The following LANCL2 variants were observed in gnomAD, a reference collection of about 807,000 sequenced individuals.
LANCL2 encodes lanC-like protein 2.
A neutral mutation model predicts 56.9 loss-of-function variants in LANCL2; 33 were observed. That is an observed-to-expected ratio of 0.58 (90% CI 0.44 to 0.78). LANCL2 has a LOEUF of 0.78. Among genes scored for constraint, LANCL2 ranks in the 30% least tolerant of loss-of-function variants. The pLI is 0.00. For synonymous variants in LANCL2, 233 were observed against 228.2 expected, an observed-to-expected ratio of 1.02 and a Z score of -0.19; for missense variants, 562 against 580.2, an observed-to-expected ratio of 0.97 and a Z score of 0.32.
At chr7:55,386,224 A>C (rs1374767521) in intron 1 of LANCL2, among the ~76,000 whole-genome samples, 15 of 152,362 alleles carry the variant, frequency 9.8e-5, no homozygotes, top group African/African-American at 3.4e-4. Context: ...AAGCAAAGAC[A>C]GGCATAGGAA....
At chr7:55,405,384 C>A (rs1790393491) in intron 5 of LANCL2, among the ~76,000 whole-genome samples, 1 of 152,134 alleles carries the variant, frequency 6.6e-6, no homozygotes, top group African/African-American at 2.4e-5. Context: ...ACTGGAAACA[C>A]CTTTAGAGAC....
intron 6 of LANCL2, among the ~76,000 whole-genome samples, chr7:55,417,065 C>T (rs1272908501): frequency 2.7e-5 from 4 of 148,638 alleles, no homozygotes; most frequent in Non-Finnish European, 4.4e-5. Context: ...CTACAAGCTC[C>T]GCCTCCCAGG....
At chr7:55,385,493 G>T (rs1014836460) in intron 1 of LANCL2, among the ~76,000 whole-genome samples, 1 of 152,132 alleles carries the variant, frequency 6.6e-6, no homozygotes, top group African/African-American at 2.4e-5. Context: ...GCGTCCGGGG[G>T]AGACATCACA....
chr7:55,384,438 G>A (rs1790102921), intron 1 of LANCL2, among the ~76,000 whole-genome samples: 1 of 152,178 alleles, frequency 6.6e-6, no homozygotes, highest in Admixed American at 6.5e-5. Flanking sequence ...TGTAGTCCCA[G>A]CTACTTGGGG....
At chr7:55,427,329 A>G (rs1790674705) in intron 7 of LANCL2, among the ~76,000 whole-genome samples, 1 of 152,234 alleles carries the variant, frequency 6.6e-6, no homozygotes, top group Non-Finnish European at 1.5e-5. Context: ...CTGATATGGA[A>G]GATGGGGGCT....
In LANCL2 at chr7:55,425,272, T is replaced by C; in HGVS notation, c.1027T>C (p.Tyr343His). 6.2e-7 allele frequency: 1 copy of C among 1,614,030 alleles called. No homozygotes were observed. Among genetic ancestry groups the C allele is most frequent in the Non-Finnish European group, 8.5e-7 (1 of 1,179,966 alleles). The change falls in exon 7 of 9, where the codon TAC (tyrosine) becomes CAC (histidine). Residue 343 changes from tyrosine (Y) to histidine (H), a missense_variant. This residue lies in a region of LANCL2 where 378 missense variants were observed against 468.4 expected (regional missense o/e 0.81). Coordinates refer to ENST00000254770, the MANE Select transcript of LANCL2 (RefSeq NM_018697.4). Reference protein sequence around the residue: ...QAYKVFKEEKYLKEAMECSDV... With the variant: ...QAYKVFKEEKHLKEAMECSDV... The stretch of plus-strand genomic sequence containing the variant: ...TGCCCAGGTCTTTAAGGAGGAGAAG[T>C]ACTTGAAAGAGGCCATGGAGTGTAG...
intron 5 of LANCL2, among the ~76,000 whole-genome samples, chr7:55,403,670 C>T (rs1056874698): frequency 3.4e-5 from 5 of 147,512 alleles, no homozygotes; most frequent in Non-Finnish European, 5.9e-5. Flanking sequence ...CTCCCAGGTT[C>T]CGGTGATTCT....
intron 1 of LANCL2, among the ~76,000 whole-genome samples, chr7:55,369,472 A>G (rs1170507989): frequency 6.6e-6 from 1 of 152,202 alleles, no homozygotes; most frequent in Non-Finnish European, 1.5e-5. Context: ...ATATTTCCAT[A>G]AATTGGTATT....
chr7:55,366,341 G>C, intron 1 of LANCL2, 112 bp downstream of exon 1: 1 of 901,172 alleles, frequency 1.1e-6, no homozygotes, highest in Non-Finnish European at 1.6e-6. Flanking sequence ...GGAGGGCGCG[G>C]GATGATAGCG....
intron 1 of LANCL2, among the ~76,000 whole-genome samples, chr7:55,384,252 A>T (rs1007706706): frequency 6.6e-6 from 1 of 152,166 alleles, no homozygotes; most frequent in African/African-American, 2.4e-5. Context: ...TGAATGAAAG[A>T]TAGAAATTTA....
intron 6 of LANCL2, among the ~76,000 whole-genome samples, chr7:55,413,827 AAGATTCTT>A (rs1203295152): frequency 2.3e-4 from 35 of 152,358 alleles, no homozygotes; most frequent in African/African-American, 7.7e-4. Context: ...CCTCTACATT[AAGATTCTT>A]GAACATGAGG....
intron 5 of LANCL2, among the ~76,000 whole-genome samples, chr7:55,404,081 C>A (rs557566064): frequency 1.3e-5 from 2 of 152,320 alleles, no homozygotes; most frequent in South Asian, 4.1e-4. Flanking sequence ...ACATCCCTGA[C>A]AACGATAGAG....
intron 1 of LANCL2, among the ~76,000 whole-genome samples, chr7:55,375,110 C>T (rs10282700): frequency 0.52 from 78,908 of 152,012 alleles, 21,105 homozygotes; most frequent in African/African-American, 0.58. Context: ...CCTTTTTCTT[C>T]TTAGGAGCTA....
At chr7:55,420,841 GGA>G (rs1790600497) in intron 6 of LANCL2, among the ~76,000 whole-genome samples, 1 of 152,206 alleles carries the variant, frequency 6.6e-6, no homozygotes, top group Non-Finnish European at 1.5e-5. Flanking sequence ...AGTCATGGGA[GGA>G]GGAGTTTTAC....
chr7:55,387,181 G>T (rs936397972), intron 1 of LANCL2, among the ~76,000 whole-genome samples: 1 of 152,156 alleles, frequency 6.6e-6, no homozygotes, highest in African/African-American at 2.4e-5. Context: ...CACAGGAAGA[G>T]TGTGTTTAGG....
At position 55,425,299 on chromosome 7, in the gene LANCL2, G is replaced by A. The variant is rs909265306; in HGVS notation, c.1054G>A (p.Asp352Asn). The A allele has an allele frequency of 3.1e-6, 5 of 1,614,050 alleles. No homozygotes were observed. Among genetic ancestry groups the A allele is most frequent in the Non-Finnish European group, 3.4e-6 (4 of 1,180,042 alleles). The change falls in exon 7 of 9, where the codon GAT (aspartate) becomes AAT (asparagine). Residue 352 changes from aspartate to asparagine, a missense_variant. By Grantham distance (23) the Asp-to-Asn change is conservative (BLOSUM62 1). Around this residue, in one of 2 missense-constraint regions of LANCL2, gnomAD observed 378 missense variants for 468.4 expected, o/e 0.81. Coordinates refer to ENST00000254770, the MANE Select transcript of LANCL2 (RefSeq NM_018697.4). ...KYLKEAMECS[D>N]VIWQRGLLRK... Reference sequence around the variant, plus strand: ...CTTGAAAGAGGCCATGGAGTGTAGCGATGTGATTTGGCAGCGAGGTTTGCT... The same window carrying A: ...CTTGAAAGAGGCCATGGAGTGTAGCAATGTGATTTGGCAGCGAGGTTTGCT...
At position 55,427,277 on chromosome 7, in the gene LANCL2, C is replaced by G. The variant is rs373369877; in HGVS notation, c.1186-1098C>G. On this transcript the variant is annotated intron_variant, in intron 7 of 8. Transcript: ENST00000254770. ...AGGAAGCCTCAGCACTAATATTTTT[C>G]AAGCTCCCCCAGTAAGTTTAATAAT... 1.1e-3 allele frequency among the ~76,000 whole-genome samples: 174 copies of G among 152,310 alleles called. 5 individuals are homozygous for G. The South Asian group carries it at 0.029, about 26-fold the overall frequency.
chr7:55,375,992 A>G (rs1477878614), intron 1 of LANCL2, among the ~76,000 whole-genome samples: 3 of 152,142 alleles, frequency 2.0e-5, no homozygotes, highest in African/African-American at 7.2e-5. Context: ...CTTAAATAGG[A>G]GAAGTTTCTC....
chr7:55,412,210 T>C, intron 6 of LANCL2, 121 bp downstream of exon 6: 1 of 880,590 alleles, frequency 1.1e-6, no homozygotes, highest in Non-Finnish European at 1.7e-6. Context: ...AGAATGATTG[T>C]TTTTACAAAA....
Sources: gnomAD v4.1 joint callset for allele counts (sites outside exome capture counted in the v4.1 genomes callset) on GRCh38, gnomAD v4.1.1 for gene constraint, gnomAD v4.1.1 regional missense constraint, MANE v1.5 for transcripts, NCBI Gene and HGNC (gene_info 2026-07-23, HGNC 2026-07-21) for gene names.